The following TBC1D22A variants were observed in gnomAD, a reference collection of about 807,000 sequenced individuals.
TBC1D22A encodes the protein TBC1 domain family member 22A, also known as putative GTPase activator.
In TBC1D22A, 38 loss-of-function variants were observed where a neutral mutation model predicts 60.2. The observed-to-expected ratio is 0.63, with a 90% CI of 0.49 to 0.83. The LOEUF (loss-of-function observed/expected upper bound fraction) is 0.83. TBC1D22A is among the 40% of genes least tolerant of loss of function. The pLI is 0.00. For missense variants in TBC1D22A, 628 were observed against 701.0 expected (o/e 0.90, Z 1.18); for synonymous variants, 302 against 281.7 (o/e 1.07, Z -0.72).
chr22:47,172,046 T>TGAG (rs2068493900), intron 12 of TBC1D22A, among the ~76,000 whole-genome samples: 1 of 96,732 alleles, frequency 1.0e-5, no homozygotes, highest in East Asian at 5.4e-4. Flanking sequence ...TACCCAGCAC[T>TGAG]CCCAGTGAGC....
intron 8 of TBC1D22A, among the ~76,000 whole-genome samples, chr22:46,935,186 C>A (rs1602547327): frequency 6.6e-6 from 1 of 152,144 alleles, no homozygotes; most frequent in African/African-American, 2.4e-5. Flanking sequence ...GTAATATTAC[C>A]TCTGATGTCA....
intron 8 of TBC1D22A, among the ~76,000 whole-genome samples, chr22:46,935,100 A>G (rs949343358): frequency 3.3e-5 from 5 of 152,118 alleles, no homozygotes; most frequent in African/African-American, 1.2e-4. Context: ...TGTGTCAGGC[A>G]CAGCTGGTCA....
chr22:47,094,146 G>T (rs1289945479), intron 11 of TBC1D22A, among the ~76,000 whole-genome samples: 1 of 152,188 alleles, frequency 6.6e-6, no homozygotes, highest in African/African-American at 2.4e-5. Flanking sequence ...GTATCTCATT[G>T]TCCGGATCTG....
At chr22:47,108,513 C>T (rs1603276292) in intron 11 of TBC1D22A, among the ~76,000 whole-genome samples, 1 of 152,268 alleles carries the variant, frequency 6.6e-6, no homozygotes, top group Non-Finnish European at 1.5e-5. Flanking sequence ...TGTATAGTGA[C>T]ACAAGTAAGT....
intron 11 of TBC1D22A, among the ~76,000 whole-genome samples, chr22:47,083,508 C>T (rs1006588132): frequency 2.6e-5 from 4 of 152,044 alleles, no homozygotes; most frequent in African/African-American, 9.7e-5. Context: ...ACGGTTCTCC[C>T]CAGGTAGTGA....
chr22:47,090,624 T>C (rs2064882905), intron 11 of TBC1D22A, among the ~76,000 whole-genome samples: 1 of 152,210 alleles, frequency 6.6e-6, no homozygotes, highest in African/African-American at 2.4e-5. Flanking sequence ...CAGCGTCCCC[T>C]TCGTTTGCTT....
chr22:46,829,606 A>T (rs1436652903), intron 4 of TBC1D22A, among the ~76,000 whole-genome samples: 1 of 152,250 alleles, frequency 6.6e-6, no homozygotes, highest in Non-Finnish European at 1.5e-5. Flanking sequence ...ATCTTACTGC[A>T]TAATTTATGA....
chr22:46,822,002 A>G (rs949660169), intron 4 of TBC1D22A, among the ~76,000 whole-genome samples: 2 of 151,418 alleles, frequency 1.3e-5, no homozygotes, highest in South Asian at 2.1e-4. Context: ...TCAAACTCTG[A>G]TATCCTTTCT....
intron 12 of TBC1D22A, among the ~76,000 whole-genome samples, chr22:47,145,999 G>A (rs2067271132): frequency 6.7e-6 from 1 of 149,758 alleles, no homozygotes; most frequent in Non-Finnish European, 1.5e-5. Context: ...GTTCCGTGCT[G>A]TCCCTTAAAG....
chr22:46,953,813 A>C (rs1444889255), intron 8 of TBC1D22A, among the ~76,000 whole-genome samples: 1 of 152,162 alleles, frequency 6.6e-6, no homozygotes, highest in East Asian at 1.9e-4. Context: ...CTGAGTATTT[A>C]CCTCTATCAG....
intron 1 of TBC1D22A, among the ~76,000 whole-genome samples, chr22:46,765,508 C>G (rs1185818860): frequency 2.0e-5 from 3 of 152,044 alleles, no homozygotes; most frequent in Non-Finnish European, 4.4e-5. Context: ...CTGTGTTGCC[C>G]AGGCTGGAGT....
chr22:47,024,684 T>C (rs2062195527), intron 10 of TBC1D22A, among the ~76,000 whole-genome samples: 1 of 151,830 alleles, frequency 6.6e-6, no homozygotes, highest in African/African-American at 2.4e-5. Context: ...TGAGACCCCG[T>C]CTCTTAAAAA....
chr22:47,122,768 G>A (rs1429120457), intron 12 of TBC1D22A, among the ~76,000 whole-genome samples: 5 of 152,172 alleles, frequency 3.3e-5, no homozygotes, highest in African/African-American at 1.2e-4. Context: ...AAGCAGCGGC[G>A]AGGCATCCCT....
intron 4 of TBC1D22A, among the ~76,000 whole-genome samples, chr22:46,831,064 G>C (rs1344594690): frequency 6.6e-6 from 1 of 152,206 alleles, no homozygotes; most frequent in Non-Finnish European, 1.5e-5. Context: ...GAGAGGAAGA[G>C]CAGATTGGGC....
intron 4 of TBC1D22A, among the ~76,000 whole-genome samples, chr22:46,865,844 C>G (rs2067027936): frequency 6.6e-6 from 1 of 152,142 alleles, no homozygotes; most frequent in Non-Finnish European, 1.5e-5. Context: ...CCTGTAGATA[C>G]CCCTCTGAGT....
At chr22:47,099,564 G>A (rs1403712445) in intron 11 of TBC1D22A, among the ~76,000 whole-genome samples, 4 of 151,938 alleles carry the variant, frequency 2.6e-5, no homozygotes, top group Non-Finnish European at 4.4e-5. Flanking sequence ...TCCTGCCTCA[G>A]CCTCCCGAGT....
chr22:47,019,319 G>T (rs1044304421), intron 10 of TBC1D22A, among the ~76,000 whole-genome samples: 1 of 152,226 alleles, frequency 6.6e-6, no homozygotes, highest in African/African-American at 2.4e-5. Context: ...TCTGTGAAAC[G>T]TCCACTGTGT....
At chr22:47,080,481 C>A (rs1478355858) in intron 11 of TBC1D22A, among the ~76,000 whole-genome samples, 4 of 152,034 alleles carry the variant, frequency 2.6e-5, no homozygotes, top group Non-Finnish European at 5.9e-5. Flanking sequence ...ACTTAAGCAG[C>A]ATGCTTTTAA....
intron 12 of TBC1D22A, among the ~76,000 whole-genome samples, chr22:47,148,715 C>T (rs1320235247): frequency 6.6e-6 from 1 of 150,808 alleles, no homozygotes; most frequent in Non-Finnish European, 1.5e-5. Flanking sequence ...TGGGGTCCCT[C>T]CCTCCCCTGG....
Sources: gnomAD v4.1 joint callset for allele counts (sites outside exome capture counted in the v4.1 genomes callset) on GRCh38, gnomAD v4.1.1 for gene constraint, MANE v1.5 for transcripts, NCBI Gene and HGNC (gene_info 2026-07-23, HGNC 2026-07-21) for gene names.